Variants in FBXL17 observed in about 807,000 individuals in gnomAD.
FBXL17 encodes F-box/LRR-repeat protein 17.
Under a neutral mutation model 66.2 loss-of-function variants are expected in FBXL17, and 22 were observed. The ratio of observed to expected loss-of-function variants is 0.33; its 90% CI spans 0.24 to 0.47. The LOEUF is 0.47. FBXL17 is among the 20% of genes least tolerant of loss of function. The pLI, the probability that FBXL17 is intolerant of heterozygous loss-of-function variation, is 1.00. For missense variants in FBXL17, 878 were observed against 948.2 expected (o/e 0.93, Z 0.97); for synonymous variants, 474 against 400.5 (o/e 1.18, Z -2.19).
At chr5:108,092,584 G>C (rs952246345) in intron 6 of FBXL17, among the ~76,000 whole-genome samples, 2 of 152,094 alleles carry the variant, frequency 1.3e-5, no homozygotes, top group African/African-American at 4.8e-5. Context: ...CCAACTGCTG[G>C]GATTACAGAC....
At chr5:108,074,612 C>A (rs1026903072) in intron 6 of FBXL17, among the ~76,000 whole-genome samples, 1 of 152,132 alleles carries the variant, frequency 6.6e-6, no homozygotes, top group African/African-American at 2.4e-5. Context: ...ATGACTCAAA[C>A]CCCTTAAGGA....
chr5:107,931,257 A>AT (rs59275945), intron 7 of FBXL17, among the ~76,000 whole-genome samples: 44,524 of 113,634 alleles, frequency 0.39, 7,776 homozygotes, highest in Middle Eastern at 0.5. Flanking sequence ...GTTAAAGAGA[A>AT]TTTTTTTTTT....
intron 6 of FBXL17, among the ~76,000 whole-genome samples, chr5:108,027,309 A>C (rs144874763): frequency 6.6e-6 from 1 of 152,144 alleles, no homozygotes; most frequent in African/African-American, 2.4e-5. Context: ...CAGGTACAGA[A>C]ATTGAAGTAA....
rs182592780 is a variant in FBXL17, at chr5:107,908,423, G to C, written c.1823-27244C>G. On this transcript the variant is annotated intron_variant, in intron 7 of 8. Transcript: ENST00000542267. ...CTTAGGCCTGGAATACAAAAGAATAGGTTGAGTGGGAGACATTAAAATATA... is the reference window on the plus strand; with the variant it reads ...CTTAGGCCTGGAATACAAAAGAATACGTTGAGTGGGAGACATTAAAATATA... 1.2e-4 allele frequency among the ~76,000 whole-genome samples: 18 copies of C among 152,232 alleles called. No homozygotes were observed. In the East Asian group the frequency reaches 3.5e-3, roughly 29 times the overall value.
At chr5:108,021,969 TC>T (rs1468477920) in intron 6 of FBXL17, among the ~76,000 whole-genome samples, 1 of 151,910 alleles carries the variant, frequency 6.6e-6, no homozygotes, top group East Asian at 1.9e-4. Flanking sequence ...AGTATCCATC[TC>T]TGTCTTTCCT....
chr5:108,258,264 C>T (rs1337876340), intron 4 of FBXL17, among the ~76,000 whole-genome samples: 1 of 152,082 alleles, frequency 6.6e-6, no homozygotes, highest in South Asian at 2.1e-4. Context: ...CAGAAGAGTG[C>T]CCTCACCAGA....
At chr5:108,085,457 C>A (rs1047512117) in intron 6 of FBXL17, among the ~76,000 whole-genome samples, 1 of 152,198 alleles carries the variant, frequency 6.6e-6, no homozygotes, top group Non-Finnish European at 1.5e-5. Flanking sequence ...CCACTGGTGG[C>A]TCCAAGAATA....
chr5:108,353,872 A>G (rs1167216357), intron 3 of FBXL17, among the ~76,000 whole-genome samples: 1 of 152,178 alleles, frequency 6.6e-6, no homozygotes, highest in East Asian at 1.9e-4. Context: ...CCTAACCACT[A>G]CATTACTAAA....
chr5:107,974,381 T>A (rs945672360), intron 7 of FBXL17, among the ~76,000 whole-genome samples: 7 of 152,220 alleles, frequency 4.6e-5, no homozygotes, highest in African/African-American at 1.7e-4. Flanking sequence ...GATACCCTAT[T>A]ATACAGTTAA....
At chr5:108,166,928 T>C (rs538579911) in intron 6 of FBXL17, among the ~76,000 whole-genome samples, 1 of 152,310 alleles carries the variant, frequency 6.6e-6, no homozygotes, top group South Asian at 2.1e-4. Flanking sequence ...AATGTTAAAA[T>C]ATATATTTTT....
At chr5:107,970,692 G>T (rs897895021) in intron 7 of FBXL17, among the ~76,000 whole-genome samples, 2 of 152,094 alleles carry the variant, frequency 1.3e-5, no homozygotes, top group Non-Finnish European at 2.9e-5. Context: ...CCTTTGAAAC[G>T]TTGGCCATTT....
At chr5:108,305,660 A>G (rs1758802553) in intron 4 of FBXL17, among the ~76,000 whole-genome samples, 3 of 152,068 alleles carry the variant, frequency 2.0e-5, no homozygotes, top group Admixed American at 2.0e-4. Flanking sequence ...GATAGCTAAG[A>G]CTACAAGTTC....
chr5:108,204,744 T>A (rs1754042733), intron 5 of FBXL17, among the ~76,000 whole-genome samples: 1 of 152,184 alleles, frequency 6.6e-6, no homozygotes. Flanking sequence ...AAAAGTATAA[T>A]ATTGAATAGT....
chr5:107,984,329 A>C (rs1054677008), intron 7 of FBXL17, among the ~76,000 whole-genome samples: 1 of 152,226 alleles, frequency 6.6e-6, no homozygotes, highest in Non-Finnish European at 1.5e-5. Flanking sequence ...CATAAATTGT[A>C]CTTCATTTTT....
intron 6 of FBXL17, among the ~76,000 whole-genome samples, chr5:108,107,729 A>G (rs983071477): frequency 1.5e-4 from 23 of 150,510 alleles, no homozygotes; most frequent in South Asian, 8.5e-4. Context: ...GGAGAATGGC[A>G]TGAACCCGGG....
intron 6 of FBXL17, among the ~76,000 whole-genome samples, chr5:108,132,107 T>TGC (rs1750959604): frequency 6.6e-6 from 1 of 151,728 alleles, no homozygotes; most frequent in African/African-American, 2.4e-5. Context: ...CTCCCTAGTA[T>TGC]CTGGGATTAC....
intron 6 of FBXL17, among the ~76,000 whole-genome samples, chr5:108,036,609 CTA>C (rs1746850751): frequency 6.6e-6 from 1 of 152,160 alleles, no homozygotes; most frequent in South Asian, 2.1e-4. Context: ...CTCCTAACCC[CTA>C]GTTTCCCTTC....
intron 7 of FBXL17, among the ~76,000 whole-genome samples, chr5:107,991,518 G>C (rs1024637631): frequency 6.6e-6 from 1 of 152,110 alleles, no homozygotes; most frequent in Non-Finnish European, 1.5e-5. Context: ...TTTCTCAGTT[G>C]AGACTGTTTC....
intron 4 of FBXL17, among the ~76,000 whole-genome samples, chr5:108,228,727 C>T: frequency 6.6e-6 from 1 of 152,112 alleles, no homozygotes; most frequent in East Asian, 1.9e-4. Context: ...GTATTTAAAG[C>T]ATTATAGTTT....
Sources: allele counts gnomAD v4.1 joint callset (sites outside exome capture counted in the v4.1 genomes callset), GRCh38; gene constraint gnomAD v4.1.1; transcripts MANE v1.5; gene names NCBI Gene and HGNC (gene_info 2026-07-23, HGNC 2026-07-21).